BABAM2: variants seen among roughly 807,000 people sequenced by gnomAD.
BABAM2 encodes BRISC and BRCA1 A complex member 2.
A neutral mutation model predicts 54.7 loss-of-function variants in BABAM2; 31 were observed. That is an observed-to-expected ratio of 0.57 (90% CI 0.43 to 0.77). The LOEUF (loss-of-function observed/expected upper bound fraction) is 0.77, where lower values mean the gene tolerates loss of function less well. Ranked by LOEUF, BABAM2 falls within the 30% of genes least tolerant of loss-of-function variation. BABAM2 has a pLI of 0.00. For missense variants in BABAM2, 364 were observed against 455.8 expected, an observed-to-expected ratio of 0.80 and a Z score of 1.83; for synonymous variants, 167 against 162.9, an observed-to-expected ratio of 1.03 and a Z score of -0.19.
chr2:28,060,804 A>G (rs1183988749), intron 6 of BABAM2, among the ~76,000 whole-genome samples: 2 of 152,226 alleles, frequency 1.3e-5, no homozygotes, highest in Admixed American at 6.5e-5. Flanking sequence ...CCTGAAAACT[A>G]CAAAACATTG....
At chr2:28,027,427 C>T (rs1675954941) in intron 5 of BABAM2, among the ~76,000 whole-genome samples, 1 of 152,176 alleles carries the variant, frequency 6.6e-6, no homozygotes, top group Non-Finnish European at 1.5e-5. Flanking sequence ...AGAATGGTTC[C>T]ATCACCCCAG....
intron 2 of BABAM2, among the ~76,000 whole-genome samples, chr2:27,902,894 C>T (rs1207584913): frequency 3.0e-5 from 4 of 133,988 alleles, no homozygotes; most frequent in African/African-American, 8.0e-5. Context: ...CCTGTGTGCA[C>T]GTGTGTGTGT....
intron 3 of BABAM2, among the ~76,000 whole-genome samples, chr2:27,967,489 C>G (rs1670913373): frequency 6.6e-6 from 1 of 152,120 alleles, no homozygotes; most frequent in African/African-American, 2.4e-5. Context: ...TGCCTGGTCT[C>G]AGGTATGTCT....
chr2:28,026,816 AT>A lies in BABAM2; in HGVS notation c.495+1397del, dbSNP rs1558666895. On this transcript the variant is annotated intron_variant, in intron 5 of 11. Coordinates refer to ENST00000379624, the MANE Select transcript of BABAM2 (RefSeq NM_199191.3). The stretch of plus-strand genomic sequence containing the variant: ...ATATTTATATAAAAAATATATAAAT[AT>A]ATATTTATATATATAAATATATATA... 3.4e-5 allele frequency among the ~76,000 whole-genome samples: 3 copies of A among 88,892 alleles called. No homozygotes were observed. The East Asian group carries it at 7.4e-4, about 22-fold the overall frequency. The allele number at this position is 88,892 out of a possible 152,430, so 58.3% of individuals were successfully genotyped here.
intron 10 of BABAM2, among the ~76,000 whole-genome samples, chr2:28,293,244 G>A (rs1170172989): frequency 6.6e-6 from 1 of 152,130 alleles, no homozygotes; most frequent in Non-Finnish European, 1.5e-5. Flanking sequence ...CACATGCATG[G>A]TATGGCATTT....
At chr2:28,060,315 A>C (rs1678755514) in intron 6 of BABAM2, among the ~76,000 whole-genome samples, 1 of 152,172 alleles carries the variant, frequency 6.6e-6, no homozygotes. Flanking sequence ...CTGATTAAAA[A>C]ACTCTTAGGA....
intron 10 of BABAM2, among the ~76,000 whole-genome samples, chr2:28,263,074 C>T (rs925489247): frequency 2.1e-5 from 3 of 139,708 alleles, no homozygotes; most frequent in Non-Finnish European, 3.0e-5. Flanking sequence ...ATTTATCTCT[C>T]GAAAGAAAAA....
chr2:28,202,999 T>C (rs770483977), intron 7 of BABAM2, among the ~76,000 whole-genome samples: 20 of 152,216 alleles, frequency 1.3e-4, no homozygotes, highest in Non-Finnish European at 2.9e-4. Flanking sequence ...TGATGAATCA[T>C]TATGGGGGCA....
intron 3 of BABAM2, among the ~76,000 whole-genome samples, chr2:27,963,370 T>G (rs1670608416): frequency 6.8e-6 from 1 of 147,114 alleles, no homozygotes; most frequent in East Asian, 2.0e-4. Flanking sequence ...CTCCAGAGGC[T>G]GAGGGAGGAG....
intron 6 of BABAM2, among the ~76,000 whole-genome samples, chr2:28,100,074 A>G (rs1205415363): frequency 6.6e-6 from 1 of 151,774 alleles, no homozygotes; most frequent in African/African-American, 2.4e-5. Flanking sequence ...TTTGATATTG[A>G]TTATTTTCTC....
chr2:28,075,418 C>A (rs977370507), intron 6 of BABAM2, among the ~76,000 whole-genome samples: 3 of 152,128 alleles, frequency 2.0e-5, no homozygotes, highest in Admixed American at 6.5e-5. Context: ...GCTCCCAATA[C>A]ATAATGCTGT....
chr2:28,044,354 C>T lies in BABAM2; in HGVS notation c.496-1371C>T, dbSNP rs369399445. 5.4e-4 allele frequency among the ~76,000 whole-genome samples: 82 copies of T among 152,232 alleles called. 1 individual carries two copies. The East Asian group carries it at 8.3e-3, about 15-fold the overall frequency. On this transcript the variant is annotated intron_variant, in intron 5 of 11. Coordinates refer to ENST00000379624, the MANE Select transcript of BABAM2 (RefSeq NM_199191.3). ...AAGTGATTCTCCTGCCTCAGCCTCCCGAGTAGCTGGGACTACAGGCACGTG... is the reference window on the plus strand; with the variant it reads ...AAGTGATTCTCCTGCCTCAGCCTCCTGAGTAGCTGGGACTACAGGCACGTG...
At chr2:28,190,411 G>A (rs1236086928) in intron 7 of BABAM2, among the ~76,000 whole-genome samples, 1 of 152,142 alleles carries the variant, frequency 6.6e-6, no homozygotes, top group Non-Finnish European at 1.5e-5. Flanking sequence ...TCTAGGCCAG[G>A]TACAGTGGCT....
At chr2:28,241,530 T>A in intron 9 of BABAM2, 137 bp downstream of exon 9, 4 of 771,068 alleles carry the variant, frequency 5.2e-6, no homozygotes, top group Non-Finnish European at 8.6e-6. Flanking sequence ...AGTCTCGCTC[T>A]GTCACCCAGG....
chr2:28,034,222 G>C (rs1281806772), intron 5 of BABAM2, among the ~76,000 whole-genome samples: 1 of 152,170 alleles, frequency 6.6e-6, no homozygotes, highest in East Asian at 1.9e-4. Context: ...GTGTTGGAGA[G>C]GGAGAGTGAT....
intron 10 of BABAM2, among the ~76,000 whole-genome samples, chr2:28,290,276 T>C (rs1038461237): frequency 2.0e-5 from 3 of 152,218 alleles, no homozygotes; most frequent in African/African-American, 7.2e-5. Flanking sequence ...TTATCACAAG[T>C]GGGGCTACTT....
chr2:28,075,942 T>C (rs559331537), intron 6 of BABAM2, among the ~76,000 whole-genome samples: 1 of 152,250 alleles, frequency 6.6e-6, no homozygotes, highest in South Asian at 2.1e-4. Flanking sequence ...TATTGTAGTT[T>C]ATTAGATTTA....
intron 7 of BABAM2, among the ~76,000 whole-genome samples, chr2:28,157,109 A>C (rs11685351): frequency 0.5 from 75,527 of 152,068 alleles, 19,047 homozygotes; most frequent in Middle Eastern, 0.61. Flanking sequence ...CCAGTTATTT[A>C]CCTGTGTGTG....
chr2:28,075,390 C>A (rs898835031), intron 6 of BABAM2, among the ~76,000 whole-genome samples: 7 of 152,300 alleles, frequency 4.6e-5, no homozygotes, highest in African/African-American at 1.7e-4. Context: ...TGAGGCCCTA[C>A]TCCTTTAGTA....
Sources: gnomAD v4.1 joint callset for allele counts (sites outside exome capture counted in the v4.1 genomes callset) on GRCh38, gnomAD v4.1.1 for gene constraint, MANE v1.5 for transcripts, NCBI Gene and HGNC (gene_info 2026-07-23, HGNC 2026-07-21) for gene names.